The following PALD1 variants were observed in gnomAD, a reference collection of about 807,000 sequenced individuals.
PALD1 encodes the protein phosphatase domain containing paladin 1.
In PALD1, 57 loss-of-function variants were observed where a neutral mutation model predicts 96.0. The ratio of observed to expected loss-of-function variants is 0.59; its 90% CI spans 0.48 to 0.74. The LOEUF (loss-of-function observed/expected upper bound fraction) is 0.74, where lower values mean the gene tolerates loss of function less well. PALD1 is among the 30% of genes least tolerant of loss of function. PALD1 has a pLI of 0.00. For missense variants in PALD1, 1,063 were observed against 1,143.7 expected (o/e 0.93, Z 1.02); for synonymous variants, 464 against 473.6 (o/e 0.98, Z 0.26).
At chr10:70,464,720 G>A in the PALD1 span, among the ~76,000 whole-genome samples, 1 of 149,332 alleles carries the variant, frequency 6.7e-6, no homozygotes, top group East Asian at 2.0e-4. Context: ...CTGCCTCCCG[G>A]GTTCAAGCTA....
At chr10:70,509,318 T>G (rs1285127073) in intron 1 of PALD1, among the ~76,000 whole-genome samples, 3 of 152,244 alleles carry the variant, frequency 2.0e-5, no homozygotes, top group Non-Finnish European at 4.4e-5. Flanking sequence ...TGTCTTGTAC[T>G]GTAGAGAACT....
chr10:70,490,872 A>T (rs1024919222), intron 1 of PALD1, among the ~76,000 whole-genome samples: 5 of 152,196 alleles, frequency 3.3e-5, no homozygotes, highest in Non-Finnish European at 5.9e-5. Flanking sequence ...GTATTGCCCG[A>T]TACTCGGAAA....
intron 18 of PALD1, among the ~76,000 whole-genome samples, chr10:70,556,022 CCTGG>C (rs72390202): frequency 0.13 from 19,932 of 151,792 alleles, 1,631 homozygotes; most frequent in Non-Finnish European, 0.18. Flanking sequence ...AAACAAAAAC[CCTGG>C]CTGCCAAAGT....
chr10:70,545,246 G>C (rs1186994413), intron 17 of PALD1, among the ~76,000 whole-genome samples: 1 of 152,122 alleles, frequency 6.6e-6, no homozygotes, highest in Non-Finnish European at 1.5e-5. Flanking sequence ...GTGGTGCGGG[G>C]AGCCTTTAGA....
intron 1 of PALD1, among the ~76,000 whole-genome samples, chr10:70,492,370 A>G (rs1171269085): frequency 6.6e-6 from 1 of 151,878 alleles, no homozygotes; most frequent in African/African-American, 2.4e-5. Context: ...TACCATTGTA[A>G]AGTTGAAAAA....
At chr10:70,545,952 C>T (rs1847352427) in intron 17 of PALD1, among the ~76,000 whole-genome samples, 1 of 152,064 alleles carries the variant, frequency 6.6e-6, no homozygotes, top group Non-Finnish European at 1.5e-5. Context: ...AAATAAGCAC[C>T]TCGACCAGGC....
In PALD1 at chr10:70,534,912, T is replaced by C. The variant is rs1285896792; in HGVS notation, c.1227+69T>C. ...CCCTGCAGCCTGATTTCATTAGGCA[T>C]GTTGACTGGTTTCTTTCAGACTGAC... On this transcript the variant is annotated intron_variant, in intron 10 of 19. Transcript: ENST00000263563. 22 of 1,039,884 alleles carry C rather than the reference T, an allele frequency of 2.1e-5. No homozygotes were observed. In the East Asian group the frequency reaches 4.8e-4, roughly 23 times the overall value. The allele number at this position is 1,039,884 out of a possible 1,614,324, so 64.4% of individuals were successfully genotyped here.
chr10:70,499,965 C>T (rs944325209), intron 1 of PALD1, among the ~76,000 whole-genome samples: 1 of 152,210 alleles, frequency 6.6e-6, no homozygotes, highest in South Asian at 2.1e-4. Context: ...CTGTGACACT[C>T]AGGTGGATCT....
intron 1 of PALD1, among the ~76,000 whole-genome samples, chr10:70,497,022 C>G (rs561960205): frequency 1.3e-5 from 2 of 152,098 alleles, no homozygotes; most frequent in East Asian, 3.9e-4. Context: ...TTCCAAGTCT[C>G]GTTTCACTGG....
chr10:70,461,313 C>T, the PALD1 span, among the ~76,000 whole-genome samples: 268 of 152,318 alleles, frequency 1.8e-3, 6 homozygotes, highest in Admixed American at 0.014. Flanking sequence ...TCCCCACGAA[C>T]CCCTGTCACA....
At chr10:70,504,014 G>T (rs571255174) in intron 1 of PALD1, among the ~76,000 whole-genome samples, 2 of 152,224 alleles carry the variant, frequency 1.3e-5, no homozygotes, top group Non-Finnish European at 2.9e-5. Flanking sequence ...AGCCACCTGC[G>T]CACCCTTGGG....
chr10:70,510,331 A>G (rs1429000716), intron 1 of PALD1, among the ~76,000 whole-genome samples: 1 of 152,158 alleles, frequency 6.6e-6, no homozygotes, highest in Non-Finnish European at 1.5e-5. Context: ...GGTGGCAGCC[A>G]GGAGAGTGTC....
In PALD1 at chr10:70,478,832, C is replaced by G. The variant is rs997036599; in HGVS notation, c.-257C>G. ...ACGGGCCGGGGCGCGCAGGTCCCGT[C>G]GCCGGTGAGCACGGGCTCCCTCTCG... On this transcript the variant is annotated 5_prime_UTR_variant, in exon 1 of 20. Transcript: ENST00000263563. 4 of 151,680 alleles carry G rather than the reference C, an allele frequency of 2.6e-5. No homozygotes were observed. The highest frequency in any genetic ancestry group is 4.1e-4 in the South Asian group (2 of 4,838). The allele number at this position is 151,680 out of a possible 1,614,324, so 9.4% of individuals were successfully genotyped here.
chr10:70,564,247 C>A, intron 18 of PALD1, 117 bp from the exon 19 acceptor site: 1 of 1,093,134 alleles, frequency 9.1e-7, no homozygotes, highest in Non-Finnish European at 1.3e-6. Flanking sequence ...GGAAGCAACG[C>A]CCTCAGCTCT....
At chr10:70,563,490 T>G (rs1377568657) in intron 18 of PALD1, among the ~76,000 whole-genome samples, 1 of 152,212 alleles carries the variant, frequency 6.6e-6, no homozygotes, top group African/African-American at 2.4e-5. Context: ...TGCTCAGGCT[T>G]GCTTGCTTAA....
chr10:70,523,435 C>T (rs1339593024), intron 1 of PALD1, among the ~76,000 whole-genome samples: 2 of 152,054 alleles, frequency 1.3e-5, no homozygotes, highest in African/African-American at 2.4e-5. Flanking sequence ...TCTTTTTGGC[C>T]CAGGTTGCTG....
the PALD1 span, among the ~76,000 whole-genome samples, chr10:70,460,319 C>A: frequency 6.6e-6 from 1 of 152,204 alleles, no homozygotes; most frequent in African/African-American, 2.4e-5. Context: ...GCCCATGGTG[C>A]CCGGCCTTTG....
intron 1 of PALD1, among the ~76,000 whole-genome samples, chr10:70,509,038 A>C (rs938643867): frequency 2.0e-5 from 3 of 152,032 alleles, no homozygotes; most frequent in Admixed American, 6.6e-5. Flanking sequence ...CCAGCTGGCC[A>C]CTCGGCCCTC....
intron 1 of PALD1, among the ~76,000 whole-genome samples, chr10:70,482,201 G>A (rs1845944159): frequency 6.6e-6 from 1 of 152,182 alleles, no homozygotes. Flanking sequence ...TTTGTCCTCA[G>A]TCGGTGCCCA....
Sources: gnomAD v4.1 joint callset for allele counts (sites outside exome capture counted in the v4.1 genomes callset) on GRCh38, gnomAD v4.1.1 for gene constraint, MANE v1.5 for transcripts, NCBI Gene and HGNC (gene_info 2026-07-23, HGNC 2026-07-21) for gene names.